The following SERPINI1 variants were observed in gnomAD, a reference collection of about 807,000 sequenced individuals.
SERPINI1 encodes neuroserpin.
A neutral mutation model predicts 41.1 loss-of-function variants in SERPINI1; 19 were observed. The ratio of observed to expected loss-of-function variants is 0.46; its 90% CI spans 0.32 to 0.68. SERPINI1 has a LOEUF of 0.68. Among genes scored for constraint, SERPINI1 ranks in the 30% least tolerant of loss-of-function variants. The pLI is 0.03. For missense variants in SERPINI1, 460 were observed against 479.2 expected, an observed-to-expected ratio of 0.96 and a Z score of 0.37; for synonymous variants, 138 against 156.6, an observed-to-expected ratio of 0.88 and a Z score of 0.89.
intron 6 of SERPINI1, among the ~76,000 whole-genome samples, chr3:167,822,546 C>T (rs1419148416): frequency 6.6e-6 from 1 of 152,010 alleles, no homozygotes; most frequent in Non-Finnish European, 1.5e-5. Context: ...AGGGTATTTA[C>T]ATTATCATAG....
At chr3:167,776,803 G>A (rs1452732353) in intron 1 of SERPINI1, among the ~76,000 whole-genome samples, 3 of 152,226 alleles carry the variant, frequency 2.0e-5, no homozygotes, top group East Asian at 3.8e-4. Flanking sequence ...TCTCACTGGA[G>A]ATGCACACAT....
intron 1 of SERPINI1, among the ~76,000 whole-genome samples, chr3:167,736,909 T>G (rs950039682): frequency 2.8e-4 from 42 of 152,174 alleles, no homozygotes; most frequent in Non-Finnish European, 1.2e-4. Flanking sequence ...GTTCCCAGAT[T>G]ACATGGCTTT....
intron 5 of SERPINI1, among the ~76,000 whole-genome samples, chr3:167,803,665 T>C (rs1711523107): frequency 6.6e-6 from 1 of 152,172 alleles, no homozygotes; most frequent in Non-Finnish European, 1.5e-5. Flanking sequence ...CCTGACTAGC[T>C]AGTGTTTCAT....
chr3:167,799,392 A>G (rs139194947), intron 5 of SERPINI1, among the ~76,000 whole-genome samples: 8,766 of 152,242 alleles, frequency 0.058, 855 homozygotes, highest in African/African-American at 0.2. Context: ...TTATGGCTGC[A>G]TAATATTCCA....
rs1482495994 is a variant in SERPINI1 at position 167,770,668 on chromosome 3, G to A, written c.-18-18443G>A. Among the ~76,000 whole-genome samples, 4 of 152,024 alleles carry A rather than the reference G, an allele frequency of 2.6e-5. No individual in the cohort carries two copies. In the East Asian group the frequency reaches 7.7e-4, roughly 29 times the overall value. ...ATTGCATATTCCTATTGAAGAATAA[G>A]GTATCAATTTCCACTTATTCTAGTC... On this transcript the variant is annotated intron_variant, in intron 1 of 8. Transcript: ENST00000446050.
chr3:167,816,916 T>G (rs570023553), intron 6 of SERPINI1, among the ~76,000 whole-genome samples: 1 of 152,118 alleles, frequency 6.6e-6, no homozygotes, highest in Admixed American at 6.5e-5. Context: ...TCATATAATT[T>G]GAAGCACGGC....
intron 6 of SERPINI1, among the ~76,000 whole-genome samples, chr3:167,815,155 T>C (rs73036842): frequency 0.024 from 3,665 of 152,234 alleles, 131 homozygotes; most frequent in African/African-American, 0.08. Flanking sequence ...TTGAAGAGTG[T>C]ATGGCCTAGC....
intron 1 of SERPINI1, among the ~76,000 whole-genome samples, chr3:167,786,161 T>C (rs1440688784): frequency 6.6e-6 from 1 of 152,166 alleles, no homozygotes; most frequent in Non-Finnish European, 1.5e-5. Context: ...TGAAATACAC[T>C]ATAACCTGCC....
chr3:167,778,914 G>A (rs1451605713), intron 1 of SERPINI1, among the ~76,000 whole-genome samples: 1 of 152,230 alleles, frequency 6.6e-6, no homozygotes, highest in East Asian at 1.9e-4. Flanking sequence ...CAGATAGTTT[G>A]GGGGGTTAGA....
intron 1 of SERPINI1, among the ~76,000 whole-genome samples, chr3:167,765,796 A>C (rs191571059): frequency 6.6e-6 from 1 of 152,308 alleles, no homozygotes; most frequent in East Asian, 1.9e-4. Context: ...TGCTGCTTAG[A>C]AATTTCCTCT....
In SERPINI1 at chr3:167,789,098, T is replaced by G. The variant is rs1451744085; in HGVS notation, c.-18-13T>G. On this transcript the variant is annotated splice_polypyrimidine_tract_variant and intron_variant, in intron 1 of 8. Coordinates refer to ENST00000446050, the MANE Select transcript of SERPINI1 (RefSeq NM_001122752.2). ...GATAACTAATAATTAATATGTAAAT[T>G]GTTGTTTTTTAGGCTTGAAACTGTT... 1 of 1,610,882 alleles carries G rather than the reference T, an allele frequency of 6.2e-7. No individual in the cohort carries two copies. The highest frequency in any genetic ancestry group is 8.5e-7 in the Non-Finnish European group (1 of 1,179,108).
intron 1 of SERPINI1, among the ~76,000 whole-genome samples, chr3:167,755,118 A>G (rs1056969739): frequency 6.6e-6 from 1 of 152,226 alleles, no homozygotes; most frequent in Non-Finnish European, 1.5e-5. Context: ...TTACTGGGCC[A>G]TAGCTCTCAT....
At chr3:167,770,883 A>T (rs1198130916) in intron 1 of SERPINI1, among the ~76,000 whole-genome samples, 2 of 152,136 alleles carry the variant, frequency 1.3e-5, no homozygotes, top group Non-Finnish European at 2.9e-5. Flanking sequence ...ACTGTCCTGT[A>T]CATTTTCCCA....
At chr3:167,757,113 T>G (rs1726216346) in intron 1 of SERPINI1, among the ~76,000 whole-genome samples, 1 of 152,202 alleles carries the variant, frequency 6.6e-6, no homozygotes, top group South Asian at 2.1e-4. Context: ...TCAAGTTAGT[T>G]AATCACAGTA....
intron 1 of SERPINI1, among the ~76,000 whole-genome samples, chr3:167,772,618 CAA>C (rs1474594713): frequency 1.3e-5 from 2 of 151,802 alleles, no homozygotes; most frequent in Non-Finnish European, 2.9e-5. Context: ...AAAGTGAAGT[CAA>C]GAGAATTGTT....
At chr3:167,791,573 A>C (rs1727512420) in intron 3 of SERPINI1, among the ~76,000 whole-genome samples, 1 of 152,224 alleles carries the variant, frequency 6.6e-6, no homozygotes, top group Non-Finnish European at 1.5e-5. Context: ...ATGCATATGA[A>C]GTAGATTCAA....
intron 6 of SERPINI1, among the ~76,000 whole-genome samples, chr3:167,816,408 G>A (rs113282832): frequency 2.8e-4 from 42 of 152,282 alleles, no homozygotes; most frequent in African/African-American, 9.4e-4. Flanking sequence ...GTGCACATCA[G>A]ATGACACTGA....
At chr3:167,794,954 T>C in intron 5 of SERPINI1, 130 bp downstream of exon 5, 1 of 725,104 alleles carries the variant, frequency 1.4e-6, no homozygotes, top group Non-Finnish European at 2.4e-6. Flanking sequence ...ATTCTTGTTC[T>C]TCTCCTTCTC....
At chr3:167,817,836 T>C (rs897978359) in intron 6 of SERPINI1, among the ~76,000 whole-genome samples, 8 of 151,910 alleles carry the variant, frequency 5.3e-5, no homozygotes, top group Non-Finnish European at 8.8e-5. Flanking sequence ...CCTGACCTTG[T>C]AATCTGCCCA....
Sources: allele counts gnomAD v4.1 joint callset (sites outside exome capture counted in the v4.1 genomes callset), GRCh38; gene constraint gnomAD v4.1.1; transcripts MANE v1.5; gene names NCBI Gene and HGNC (gene_info 2026-07-23, HGNC 2026-07-21).